LIFR: variants seen among roughly 807,000 people sequenced by gnomAD.
LIFR encodes the protein LIF receptor subunit alpha.
A neutral mutation model predicts 122.2 loss-of-function variants in LIFR; 84 were observed. The ratio of observed to expected loss-of-function variants is 0.69; its 90% CI spans 0.58 to 0.82. LIFR has a LOEUF of 0.82. LIFR is among the 40% of genes least tolerant of loss of function. LIFR has a pLI of 0.00. For synonymous variants in LIFR, 422 were observed against 434.7 expected, an observed-to-expected ratio of 0.97 and a Z score of 0.36; for missense variants, 1,294 against 1,311.6, an observed-to-expected ratio of 0.99 and a Z score of 0.21.
At chr5:38,598,236 TATTTATTTA>T (rs1561235494), upstream of LIFR, among the ~76,000 whole-genome samples, 653 of 34,310 alleles carry the variant, frequency 0.019, 128 homozygotes, top group Non-Finnish European at 0.023. Flanking sequence ...TTTTTTTATT[TATTTATTTA>T]TTTTTTTTTT....
In LIFR at chr5:38,481,491, A is replaced by T; in HGVS notation, c.*104T>A. The T allele has an allele frequency of 8.0e-7, 1 of 1,250,320 alleles. No homozygotes were observed. The highest frequency in any genetic ancestry group is 1.2e-5 in the South Asian group (1 of 82,774). The allele number at this position is 1,250,320 out of a possible 1,614,324, so 77.5% of individuals were successfully genotyped here. Reference sequence around the variant, plus strand: ...TAACATGTAGTGAAGTTCACCTCCTAACAATACTTCACAGGATCCCTCCAA... The same window carrying T: ...TAACATGTAGTGAAGTTCACCTCCTTACAATACTTCACAGGATCCCTCCAA... On this transcript the variant is annotated 3_prime_UTR_variant, in exon 20 of 20. Coordinates refer to ENST00000453190, the MANE Select transcript of LIFR (RefSeq NM_001127671.2).
Position 38,481,647 on chromosome 5 carries a change from T to C in LIFR, c.3242A>G (p.Asn1081Ser). Residue 1081 changes from asparagine to serine, a missense_variant, in exon 20 of 20, where the codon AAT becomes AGT. Transcript: ENST00000453190. ...GTTTGTAAAGGACCACCCTCCTCCA[T>C]TAGATTTAGGAGAGTCTTCATCTTT... ...PPKDEDSPKS[N>S]GGGWSFTNFF... The C allele has an allele frequency of 6.2e-7, 1 of 1,614,060 alleles. No individual in the cohort carries two copies. Among genetic ancestry groups the C allele is most frequent in the South Asian group, 1.1e-5 (1 of 91,080 alleles).
intron 1 of LIFR, among the ~76,000 whole-genome samples, chr5:38,582,532 A>ATG (rs1749620599): frequency 6.6e-6 from 1 of 152,212 alleles, no homozygotes; most frequent in South Asian, 2.1e-4. Context: ...TTATATATAT[A>ATG]TAATATTCAA....
chr5:38,492,584 T>C (rs1278890481), intron 14 of LIFR, among the ~76,000 whole-genome samples: 1 of 152,184 alleles, frequency 6.6e-6, no homozygotes, highest in African/African-American at 2.4e-5. Flanking sequence ...CAGCCAATTA[T>C]ACATGTGGAG....
rs558759387 is a variant in LIFR at position 38,507,912 on chromosome 5, G to A, written c.992-1280C>T. Among the ~76,000 whole-genome samples, 3 of 152,186 alleles carry A rather than the reference G, an allele frequency of 2.0e-5. No homozygotes were observed. The South Asian group carries it at 6.2e-4, about 32-fold the overall frequency. On this transcript the variant is annotated intron_variant, in intron 7 of 19. Transcript: ENST00000453190. Reference sequence around the variant, plus strand: ...TAAGAGGATTAATGAGTGTTTATATGAGAGTTTAACAATTAGATAAGTAAA... The same window carrying A: ...TAAGAGGATTAATGAGTGTTTATATAAGAGTTTAACAATTAGATAAGTAAA...
chr5:38,595,909 C>T (rs866297342), upstream of LIFR, among the ~76,000 whole-genome samples: 3 of 151,138 alleles, frequency 2.0e-5, no homozygotes, highest in African/African-American at 7.3e-5. Context: ...AATTTTTTTG[C>T]ATTTTTTCAG....
At position 38,584,936 on chromosome 5, in the gene LIFR, ACTAT is replaced by A. The variant is rs1420974142; in HGVS notation, c.-20+10321_-20+10324del. Among the ~76,000 whole-genome samples, 19 of 152,322 alleles carry A rather than the reference ACTAT, an allele frequency of 1.2e-4. No homozygotes were observed. The East Asian group carries it at 3.7e-3, about 29-fold the overall frequency. ...TTTGCTTCATTATAGCAACCGTTTT[ACTAT>A]CTATTAATACATGCATCTCATCACA... On this transcript the variant is annotated intron_variant, in intron 1 of 19. Transcript: ENST00000263409.
In LIFR at chr5:38,489,994, C is replaced by CAAA. The variant is rs58235156; in HGVS notation, c.2167+193_2167+195dup. Among the ~76,000 whole-genome samples the CAAA allele has an allele frequency of 8.8e-3, 439 of 49,618 alleles. 17 individuals carry two copies. The highest frequency in any genetic ancestry group is 0.026 in the African/African-American group (329 of 12,702). The allele number at this position is 49,618 out of a possible 152,430, so 32.6% of individuals were successfully genotyped here. On this transcript the variant is annotated intron_variant, in intron 15 of 19. Transcript: ENST00000453190. Reference sequence around the variant, plus strand: ...TGGGTGACAGAGTAAGACCCTCTCTCAAAAAAAAAAAAAAAAAAAAAAAAA... The same window carrying CAAA: ...TGGGTGACAGAGTAAGACCCTCTCTCAAAAAAAAAAAAAAAAAAAAAAAAAAAA...
At position 38,606,188 on chromosome 5, in the gene LIFR, A is replaced by C. The variant is rs1459513573; in HGVS notation, n.305+17T>G. The C allele has an allele frequency of 2.6e-5, 4 of 152,192 alleles. 1 individual carries two copies. In the East Asian group the frequency reaches 7.7e-4, roughly 29 times the overall value. 9.4% of individuals were successfully genotyped at this position (152,192 alleles called of 1,614,324 possible). ...CTGTGATGGGAATTTATAAGAAGAG[A>C]GGTTTAATTGGCTCACCATAGCTCT... On this transcript the variant is annotated intron_variant and non_coding_transcript_variant, in intron 2 of 3. Coordinates refer to the LIFR transcript ENST00000507786.
intron 5 of LIFR, among the ~76,000 whole-genome samples, chr5:38,516,534 G>A (rs1355352110): frequency 4.6e-5 from 7 of 152,078 alleles, no homozygotes; most frequent in South Asian, 4.2e-4. Context: ...TTAGAATGGC[G>A]ATCATTAAAA....
intron 4 of LIFR, among the ~76,000 whole-genome samples, chr5:38,524,789 G>A (rs1313381310): frequency 6.6e-6 from 1 of 152,144 alleles, no homozygotes; most frequent in Non-Finnish European, 1.5e-5. Context: ...TCCTTTTAGG[G>A]GCTGCCAATA....
intron 1 of LIFR, among the ~76,000 whole-genome samples, chr5:38,544,320 C>A (rs1010413836): frequency 6.6e-6 from 1 of 152,138 alleles, no homozygotes. Flanking sequence ...GCACACCCCA[C>A]TCTCTGTCCT....
upstream of LIFR, chr5:38,558,565 C>T (rs1748706075): frequency 6.6e-6 from 1 of 152,116 alleles, no homozygotes; most frequent in Non-Finnish European, 1.5e-5. Context: ...AAAGCAAATA[C>T]TGTGTATTAG....
intron 1 of LIFR, among the ~76,000 whole-genome samples, chr5:38,531,956 T>A (rs958344539): frequency 1.3e-5 from 2 of 152,216 alleles, no homozygotes; most frequent in African/African-American, 4.8e-5. Context: ...AACTTCCTAG[T>A]CAATTCCAGG....
chr5:38,574,439 G>A (rs1037721322), intron 1 of LIFR, among the ~76,000 whole-genome samples: 2 of 152,160 alleles, frequency 1.3e-5, no homozygotes, highest in South Asian at 4.1e-4. Context: ...TTTACCATGG[G>A]TATTCCTTCC....
intron 1 of LIFR, among the ~76,000 whole-genome samples, chr5:38,540,366 G>C (rs1409658233): frequency 6.6e-6 from 1 of 152,128 alleles, no homozygotes; most frequent in Non-Finnish European, 1.5e-5. Context: ...CTGTTGCTGG[G>C]GGAAACACCA....
At chr5:38,546,552 C>T (rs935534213) in intron 1 of LIFR, among the ~76,000 whole-genome samples, 1 of 152,198 alleles carries the variant, frequency 6.6e-6, no homozygotes, top group Admixed American at 6.5e-5. Flanking sequence ...AGAGCAGTTA[C>T]TCCTTCCTAA....
intron 12 of LIFR, among the ~76,000 whole-genome samples, chr5:38,497,733 T>C (rs1331424781): frequency 1.3e-5 from 2 of 152,164 alleles, no homozygotes; most frequent in East Asian, 3.9e-4. Flanking sequence ...ATTGTTTTAA[T>C]CATATTACAC....
intron 3 of LIFR, among the ~76,000 whole-genome samples, chr5:38,527,537 G>A (rs1580118580): frequency 6.6e-6 from 1 of 152,130 alleles, no homozygotes; most frequent in East Asian, 1.9e-4. Flanking sequence ...CCAAACAGCT[G>A]GAGTTTTTGC....
Sources: gnomAD v4.1 joint callset for allele counts (sites outside exome capture counted in the v4.1 genomes callset) on GRCh38, gnomAD v4.1.1 for gene constraint, MANE v1.5 for transcripts, NCBI Gene and HGNC (gene_info 2026-07-23, HGNC 2026-07-21) for gene names.